Variants in PPFIA4 observed in about 807,000 individuals in gnomAD.
The protein encoded by PPFIA4 is liprin-alpha-4.
A neutral mutation model predicts 145.7 loss-of-function variants in PPFIA4; 98 were observed. That is an observed-to-expected ratio of 0.67 (90% CI 0.57 to 0.80). The LOEUF (loss-of-function observed/expected upper bound fraction) is 0.80, where lower values mean the gene tolerates loss of function less well. Among genes scored for constraint, PPFIA4 ranks in the 30% least tolerant of loss-of-function variants. The pLI is 0.00. For synonymous variants in PPFIA4, 628 were observed against 649.6 expected, an observed-to-expected ratio of 0.97 and a Z score of 0.51; for missense variants, 1,457 against 1,632.7, an observed-to-expected ratio of 0.89 and a Z score of 1.85.
In PPFIA4 at chr1:203,072,718, T is replaced by G. The variant is rs1662256198; in HGVS notation, c.3393+958T>G. 2.0e-5 allele frequency among the ~76,000 whole-genome samples: 3 copies of G among 152,218 alleles called. No homozygotes were observed. In the South Asian group the frequency reaches 6.2e-4, roughly 32 times the overall value. On this transcript the variant is annotated intron_variant, in intron 28 of 29. Transcript: ENST00000295706. The stretch of plus-strand genomic sequence containing the variant: ...GGGTTTAACAGGGCGAAAATCCACC[T>G]TTGTAGAAGGATTGCTCTGCCTCGG...
intron 4 of PPFIA4, 130 bp downstream of exon 4, chr1:203,044,225 A>C (rs1287133415): frequency 2.8e-5 from 34 of 1,209,560 alleles, no homozygotes; most frequent in Non-Finnish European, 3.5e-5. Flanking sequence ...TCTTAACTTC[A>C]AGGTCCTCCT....
At chr1:203,027,962 C>T (rs550748021) in intron 1 of PPFIA4, among the ~76,000 whole-genome samples, 1 of 152,352 alleles carries the variant, frequency 6.6e-6, no homozygotes, top group South Asian at 2.1e-4. Context: ...CCCAGGGAAG[C>T]TGCCTAAGCA....
intron 24 of PPFIA4, chr1:203,063,493 C>T (rs1002797677): frequency 4.1e-6 from 1 of 243,750 alleles, no homozygotes; most frequent in Non-Finnish European, 8.0e-6. Flanking sequence ...CAGGAAGGCA[C>T]GTCTGCTGCA....
In PPFIA4 at chr1:203,038,708, G is replaced by A; in HGVS notation, c.-301G>A. ...AAGAGAAGGGCCATCTTCCAGCCCT[G>A]CTGTCCCTGCCTGTCATGGCCACAT... On this transcript the variant is annotated 5_prime_UTR_variant, in exon 2 of 30. Transcript: ENST00000295706. The A allele has an allele frequency of 4.2e-6, 1 of 240,652 alleles. No homozygotes were observed. The highest frequency in any genetic ancestry group is 8.1e-6 in the Non-Finnish European group (1 of 124,030). 14.9% of individuals were successfully genotyped at this position (240,652 alleles called of 1,614,324 possible).
intron 28 of PPFIA4, among the ~76,000 whole-genome samples, chr1:203,072,328 G>A (rs991592461): frequency 9.2e-5 from 14 of 152,164 alleles, no homozygotes; most frequent in African/African-American, 3.1e-4. Flanking sequence ...TCACCCTTGG[G>A]TCTACCTTCA....
chr1:203,045,882 A>G lies in PPFIA4; in HGVS notation c.900A>G (p.Thr300=), dbSNP rs775386210. The change falls in exon 8 of 30, where the codon ACA becomes ACG. Residue 300 remains threonine (T), a synonymous_variant. Transcript: ENST00000295706. Reference sequence around the variant, plus strand: ...AGGACATGGAAGAGCGGATTACTACACTGGAGAAGCGCTACCTGGCTGCTC... The same window carrying G: ...AGGACATGGAAGAGCGGATTACTACGCTGGAGAAGCGCTACCTGGCTGCTC... The part of the protein sequence containing the change: ...QKEDMEERIT[T]LEKRYLAAQR... The G allele has an allele frequency of 8.7e-6, 14 of 1,612,582 alleles. No individual in the cohort carries two copies. The highest frequency in any genetic ancestry group is 1.6e-4 in the Middle Eastern group (1 of 6,082).
intron 12 of PPFIA4, 23 bp downstream of exon 12, chr1:203,049,003 G>T (rs1474167323): frequency 6.5e-7 from 1 of 1,547,046 alleles, no homozygotes; most frequent in Non-Finnish European, 8.7e-7. Context: ...GGCCAGCCCC[G>T]CCCAGCCTGG....
chr1:203,037,928 C>T lies in PPFIA4; in HGVS notation c.-399-682C>T, dbSNP rs193037074. On this transcript the variant is annotated intron_variant, in intron 1 of 29. Coordinates refer to ENST00000295706, the MANE Select transcript of PPFIA4 (RefSeq NM_001304331.2). The stretch of plus-strand genomic sequence containing the variant: ...CCAAGCCTGCTGTCTGCTAGGCCTG[C>T]GTGCTGTCCTCCTTGGCAGGTTTTG... Among the ~76,000 whole-genome samples, 7 of 152,266 alleles carry T rather than the reference C, an allele frequency of 4.6e-5. No individual in the cohort carries two copies. The East Asian group carries it at 7.7e-4, about 17-fold the overall frequency.
In PPFIA4 at chr1:203,059,058, G is replaced by A. The variant is rs572890918; in HGVS notation, c.2408-120G>A. The A allele has an allele frequency of 2.5e-4, 180 of 730,060 alleles. 1 individual carries two copies. Among genetic ancestry groups the A allele is most frequent in the South Asian group, 1.7e-3 (96 of 57,076 alleles). The allele number at this position is 730,060 out of a possible 1,614,324, so 45.2% of individuals were successfully genotyped here. On this transcript the variant is annotated intron_variant, in intron 19 of 29. Coordinates refer to ENST00000295706, the MANE Select transcript of PPFIA4 (RefSeq NM_001304331.2). ...CAGAAGCTCCAGGAATAATGGTCCC[G>A]TCAGGCCATGGGTTGTCCTCTGCCA...
chr1:203,056,038 C>A, intron 16 of PPFIA4, 82 bp from the exon 17 acceptor site: 1 of 1,435,532 alleles, frequency 7.0e-7, no homozygotes, highest in Non-Finnish European at 9.7e-7. Context: ...TCTTCTCATC[C>A]TAAGACCACT....
chr1:203,070,002 C>A (rs1393900955), intron 27 of PPFIA4, among the ~76,000 whole-genome samples: 2 of 152,156 alleles, frequency 1.3e-5, no homozygotes, highest in Non-Finnish European at 2.9e-5. Context: ...ATTTACTGTG[C>A]TTCTCCTTTC....
At chr1:203,033,781 C>T (rs536018229) in intron 1 of PPFIA4, among the ~76,000 whole-genome samples, 1 of 152,252 alleles carries the variant, frequency 6.6e-6, no homozygotes, top group Non-Finnish European at 1.5e-5. Context: ...AGTTCAAGAC[C>T]ACCCTGGCCA....
rs1558100347 is a variant in PPFIA4, at chr1:203,068,423, T to C, written c.3149-30T>C. The C allele has an allele frequency of 1.3e-6, 2 of 1,559,992 alleles. No homozygotes were observed. The highest frequency in any genetic ancestry group is 1.7e-6 in the Non-Finnish European group (2 of 1,147,894). ...GCCCTTGATGAAACGTAGTATCTCC[T>C]TCCGTCCCTTTTCTTCCCCCACACT... On this transcript the variant is annotated intron_variant, in intron 26 of 29. Coordinates refer to ENST00000295706, the MANE Select transcript of PPFIA4 (RefSeq NM_001304331.2). This position sits in a 1 kb window ranked among gnomAD's most constrained non-coding sequence, Gnocchi z 4.7.
At chr1:203,032,426 C>CTTTTTTTTTTTTTTTTTTT (rs67178955) in intron 1 of PPFIA4, among the ~76,000 whole-genome samples, 1 of 59,472 alleles carries the variant, frequency 1.7e-5, no homozygotes, top group Non-Finnish European at 3.6e-5. Flanking sequence ...CCCTTCCCCG[C>CTTTTTTTTTTTTTTTTTTT]TTTTTTGTTG....
chr1:203,036,074 C>G (rs774938035), intron 1 of PPFIA4, among the ~76,000 whole-genome samples: 3 of 152,198 alleles, frequency 2.0e-5, no homozygotes, highest in Non-Finnish European at 4.4e-5. Flanking sequence ...AGTGGGCAGC[C>G]TGAGGTCCTG....
intron 27 of PPFIA4, among the ~76,000 whole-genome samples, chr1:203,069,184 A>G (rs574573138): frequency 6.6e-6 from 1 of 152,304 alleles, no homozygotes; most frequent in South Asian, 2.1e-4. Flanking sequence ...ATGAAATTAC[A>G]TTTCATCATT....
chr1:203,069,099 C>T (rs770308430), intron 27 of PPFIA4, among the ~76,000 whole-genome samples: 2 of 152,140 alleles, frequency 1.3e-5, no homozygotes, highest in Non-Finnish European at 2.9e-5. Flanking sequence ...CTAAATATAC[C>T]AAATTACACA....
chr1:203,042,117 G>T (rs1232635616), intron 2 of PPFIA4, among the ~76,000 whole-genome samples: 3 of 152,166 alleles, frequency 2.0e-5, no homozygotes, highest in Non-Finnish European at 4.4e-5. Flanking sequence ...GAGGGAGGCT[G>T]CAGGTTAGGA....
At chr1:203,052,460 A>C (rs1660602942) in intron 14 of PPFIA4, among the ~76,000 whole-genome samples, 1 of 152,100 alleles carries the variant, frequency 6.6e-6, no homozygotes, top group African/African-American at 2.4e-5. Flanking sequence ...AGGTCCTCTA[A>C]ATATCATTTA....
Sources: allele counts gnomAD v4.1 joint callset (sites outside exome capture counted in the v4.1 genomes callset), GRCh38; gene constraint gnomAD v4.1.1; non-coding constraint Gnocchi (gnomAD v3.1); transcripts MANE v1.5; gene names NCBI Gene and HGNC (gene_info 2026-07-23, HGNC 2026-07-21).